The following LSG1 variants were observed in gnomAD, a reference collection of about 807,000 sequenced individuals.
The protein encoded by LSG1 is large 60S subunit nuclear export GTPase 1, also known as large subunit GTPase 1 homolog.
Under a neutral mutation model 82.6 loss-of-function variants are expected in LSG1, and 55 were observed. The ratio of observed to expected loss-of-function variants is 0.67; its 90% CI spans 0.54 to 0.83. The LOEUF (loss-of-function observed/expected upper bound fraction) is 0.83. Among genes scored for constraint, LSG1 ranks in the 40% least tolerant of loss-of-function variants. The pLI is 0.00. For synonymous variants in LSG1, 272 were observed against 282.5 expected (o/e 0.96, Z 0.37); for missense variants, 809 against 807.9 (o/e 1.00, Z -0.02).
At chr3:194,671,812 C>T in intron 1 of LSG1, 1 of 531,390 alleles carries the variant, frequency 1.9e-6, no homozygotes, top group Non-Finnish European at 3.3e-6. Context: ...CAAGACCTGG[C>T]ATTGAAGACT....
chr3:194,664,539 T>C (rs1160810206), intron 5 of LSG1, among the ~76,000 whole-genome samples: 2 of 152,156 alleles, frequency 1.3e-5, no homozygotes, highest in African/African-American at 4.8e-5. Flanking sequence ...GGAATTCTCC[T>C]TAGCATTACA....
intron 2 of LSG1, among the ~76,000 whole-genome samples, chr3:194,666,877 G>T (rs1719040424): frequency 6.6e-6 from 1 of 152,028 alleles, no homozygotes; most frequent in African/African-American, 2.4e-5. Context: ...GCATCATCTG[G>T]TAGCTTGTTA....
At chr3:194,657,541 G>A (rs1304671954) in intron 7 of LSG1, among the ~76,000 whole-genome samples, 1 of 149,986 alleles carries the variant, frequency 6.7e-6, no homozygotes, top group African/African-American at 2.4e-5. Flanking sequence ...TTCTGAAAGG[G>A]GATGAACTAA....
chr3:194,662,387 T>C (rs1461379217), intron 5 of LSG1, among the ~76,000 whole-genome samples: 1 of 152,356 alleles, frequency 6.6e-6, no homozygotes, highest in East Asian at 1.9e-4. Flanking sequence ...CCTATGAAGA[T>C]ACTGAACTGT....
Position 194,666,705 on chromosome 3 carries a change from A to G in LSG1, c.227-133T>C, listed in dbSNP as rs113206851. On this transcript the variant is annotated intron_variant, in intron 2 of 13. Transcript: ENST00000265245. ...AAGATTTCTTGATTTAGATTCTTCT[A>G]GCCTTGGGTAAATTATTATTCCCAA... The G allele has an allele frequency of 1.3e-3, 930 of 693,322 alleles. 7 individuals carry two copies. In the African/African-American group the frequency reaches 0.015, roughly 11 times the overall value. 42.9% of individuals were successfully genotyped at this position (693,322 alleles called of 1,614,324 possible).
intron 13 of LSG1, among the ~76,000 whole-genome samples, chr3:194,642,999 G>A (rs917882548): frequency 1.3e-4 from 20 of 152,348 alleles, no homozygotes; most frequent in African/African-American, 4.1e-4. Context: ...CAGGCTCATT[G>A]TGTAAGGCAT....
rs769424897 is a variant in LSG1 at position 194,672,016 on chromosome 3, A to G, written c.99+48T>C. The G allele has an allele frequency of 4.5e-6, 7 of 1,555,040 alleles. No homozygotes were observed. The South Asian group carries it at 7.8e-5, about 17-fold the overall frequency. ...GACTTTTGACCCCGAATTTTGCAGC[A>G]CTCAGGCTAGACAGAAAAGATAAGA... On this transcript the variant is annotated intron_variant, in intron 1 of 13. Transcript: ENST00000265245.
intron 1 of LSG1, among the ~76,000 whole-genome samples, chr3:194,671,541 T>A (rs73890201): frequency 0.06 from 9,171 of 152,256 alleles, 312 homozygotes; most frequent in Middle Eastern, 0.1. Flanking sequence ...TTCATTTTTT[T>A]AAAGATCCTT....
chr3:194,650,636 A>G, intron 10 of LSG1: 1 of 390,522 alleles, frequency 2.6e-6, no homozygotes, highest in Admixed American at 4.3e-5. Context: ...GCATTGTTAA[A>G]TAGGTTTGCA....
intron 10 of LSG1, among the ~76,000 whole-genome samples, chr3:194,649,626 G>C (rs1718630852): frequency 6.6e-6 from 1 of 151,892 alleles, no homozygotes; most frequent in African/African-American, 2.4e-5. Flanking sequence ...GGAGGTGGAG[G>C]TTGCAGTGAG....
intron 2 of LSG1, among the ~76,000 whole-genome samples, chr3:194,667,915 C>T: frequency 3.0e-5 from 1 of 33,844 alleles, no homozygotes; most frequent in African/African-American, 1.1e-4. Flanking sequence ...AAGAGAGAGA[C>T]TCCGTCTCAA....
At chr3:194,653,408 G>C (rs1184017633) in intron 7 of LSG1, among the ~76,000 whole-genome samples, 1 of 152,074 alleles carries the variant, frequency 6.6e-6, no homozygotes, top group Non-Finnish European at 1.5e-5. Context: ...CCAGCTACTT[G>C]GGAGGCTGAA....
chr3:194,652,664 G>T lies in LSG1; in HGVS notation c.1173+65C>A, dbSNP rs577103383. On this transcript the variant is annotated intron_variant, in intron 8 of 13. Transcript: ENST00000265245. ...CCTGGTTGGTCTTTGGGGTCGTGCAGCTACTGAAAAATGGGGATTAAAGAC... is the reference window on the plus strand; with the variant it reads ...CCTGGTTGGTCTTTGGGGTCGTGCATCTACTGAAAAATGGGGATTAAAGAC... 281 of 1,536,832 alleles carry T rather than the reference G, an allele frequency of 1.8e-4. No individual in the cohort carries two copies. In the African/African-American group the frequency reaches 3.7e-3, roughly 20 times the overall value.
At chr3:194,657,186 A>G (rs994538685) in intron 7 of LSG1, among the ~76,000 whole-genome samples, 8 of 25,390 alleles carry the variant, frequency 3.2e-4, no homozygotes, top group African/African-American at 5.4e-4. Context: ...GCAACCTTAA[A>G]AAAAAAAAAA....
intron 5 of LSG1, among the ~76,000 whole-genome samples, chr3:194,662,176 G>GT (rs1193608315): frequency 1.3e-5 from 2 of 152,222 alleles, no homozygotes; most frequent in African/African-American, 4.8e-5. Context: ...CATCTGAACA[G>GT]TGAGCTCATA....
At chr3:194,649,435 G>T (rs1332606804) in intron 10 of LSG1, among the ~76,000 whole-genome samples, 1 of 151,698 alleles carries the variant, frequency 6.6e-6, no homozygotes, top group Non-Finnish European at 1.5e-5. Context: ...TGTAATCCCA[G>T]CATTTTGGGA....
chr3:194,651,492 T>C, intron 8 of LSG1: 1 of 416,552 alleles, frequency 2.4e-6, no homozygotes, highest in South Asian at 2.7e-5. Context: ...TTCATCCCCT[T>C]GTTCCCAGCC....
intron 10 of LSG1, among the ~76,000 whole-genome samples, chr3:194,650,565 G>C (rs1050295387): frequency 6.6e-6 from 1 of 152,196 alleles, no homozygotes; most frequent in Non-Finnish European, 1.5e-5. Flanking sequence ...CCCACTTAGA[G>C]AAAAGGAAAG....
chr3:194,671,563 T>TA (rs1719139824), intron 1 of LSG1, among the ~76,000 whole-genome samples: 1 of 152,204 alleles, frequency 6.6e-6, no homozygotes, highest in African/African-American at 2.4e-5. Context: ...TATAACCTAG[T>TA]AAAATATTAG....
Sources: allele counts gnomAD v4.1 joint callset (sites outside exome capture counted in the v4.1 genomes callset), GRCh38; gene constraint gnomAD v4.1.1; transcripts MANE v1.5; gene names NCBI Gene and HGNC (gene_info 2026-07-23, HGNC 2026-07-21).